PSD3: variants seen among roughly 807,000 people sequenced by gnomAD.
PSD3 encodes pleckstrin and Sec7 domain containing 3.
A neutral mutation model predicts 105.5 loss-of-function variants in PSD3; 49 were observed. The observed-to-expected ratio is 0.46, with a 90% CI of 0.37 to 0.59. PSD3 has a LOEUF of 0.59. Ranked by LOEUF, PSD3 falls within the 20% of genes least tolerant of loss-of-function variation. PSD3 has a pLI of 0.00. For missense variants in PSD3, 1,561 were observed against 1,263.8 expected (o/e 1.24, Z -3.57); for synonymous variants, 557 against 457.8 (o/e 1.22, Z -2.77).
chr8:18,796,943 G>T (rs991508920), intron 8 of PSD3, among the ~76,000 whole-genome samples: 3 of 152,102 alleles, frequency 2.0e-5, no homozygotes, highest in Admixed American at 2.0e-4. Context: ...TCTCCTGCAT[G>T]ATTCGATTTC....
intron 1 of PSD3, among the ~76,000 whole-genome samples, chr8:19,071,320 G>A (rs926015504): frequency 9.4e-5 from 12 of 127,150 alleles, no homozygotes; most frequent in African/African-American, 2.5e-4. Flanking sequence ...CTCCCACCTC[G>A]GCCTCCTAAT....
intron 14 of PSD3, among the ~76,000 whole-genome samples, chr8:18,568,288 C>T (rs906232374): frequency 2.0e-5 from 3 of 146,434 alleles, no homozygotes; most frequent in African/African-American, 7.6e-5. Flanking sequence ...GAACCTTTTC[C>T]CCCCTTTCTT....
intron 1 of PSD3, among the ~76,000 whole-genome samples, chr8:18,954,081 G>T (rs545853263): frequency 6.6e-6 from 1 of 152,192 alleles, no homozygotes; most frequent in Non-Finnish European, 1.5e-5. Context: ...GCCATTTAAT[G>T]TATACACTTG....
chr8:18,971,920 G>A (rs947439783), intron 1 of PSD3, among the ~76,000 whole-genome samples: 2 of 152,126 alleles, frequency 1.3e-5, no homozygotes, highest in South Asian at 2.1e-4. Flanking sequence ...TAGGAGAATC[G>A]CTTGAGCCTG....
chr8:18,713,076 A>C (rs1180949882), intron 9 of PSD3, among the ~76,000 whole-genome samples: 1 of 152,212 alleles, frequency 6.6e-6, no homozygotes, highest in Non-Finnish European at 1.5e-5. Context: ...CTTTGATAAA[A>C]TTCAATATCC....
At chr8:18,901,265 T>G (rs1205325632) in intron 2 of PSD3, among the ~76,000 whole-genome samples, 1 of 152,310 alleles carries the variant, frequency 6.6e-6, no homozygotes, top group Middle Eastern at 3.4e-3. Context: ...TTGTTTAAAA[T>G]ATTTGAATAT....
chr8:18,988,692 T>C (rs1352003832), intron 1 of PSD3, among the ~76,000 whole-genome samples: 3 of 152,178 alleles, frequency 2.0e-5, no homozygotes, highest in African/African-American at 7.2e-5. Context: ...CTATCACATG[T>C]TTAAAAAGTG....
chr8:18,867,538 C>A (rs1817027624), intron 4 of PSD3, 136 bp downstream of exon 4: 3 of 1,149,914 alleles, frequency 2.6e-6, no homozygotes, highest in African/African-American at 1.6e-5. Flanking sequence ...ACTCAAATTA[C>A]TTTTTACTCA....
At position 18,999,322 on chromosome 8, in the gene PSD3, C is replaced by G. The variant is rs189977922; in HGVS notation, c.21+14241G>C. 1.3e-3 allele frequency among the ~76,000 whole-genome samples: 193 copies of G among 152,040 alleles called. 1 individual carries two copies. Among genetic ancestry groups the G allele is most frequent in the African/African-American group, 4.4e-3 (181 of 41,444 alleles). On this transcript the variant is annotated intron_variant, in intron 1 of 15. Transcript: ENST00000327040. ...GAAGACATGCTGGCTGATGCCCATT[C>G]ATACCTGCTGCTCACAGCTGGTGAC...
chr8:18,591,532 G>C (rs1803606096), intron 12 of PSD3, among the ~76,000 whole-genome samples: 1 of 152,098 alleles, frequency 6.6e-6, no homozygotes, highest in Non-Finnish European at 1.5e-5. Flanking sequence ...TTGGCCCCAA[G>C]GGACTAATTT....
intron 9 of PSD3, among the ~76,000 whole-genome samples, chr8:18,720,156 C>A (rs1802863644): frequency 6.6e-6 from 1 of 151,996 alleles, no homozygotes. Context: ...TATTCCCTTG[C>A]AAGCAGAGAA....
intron 14 of PSD3, among the ~76,000 whole-genome samples, chr8:18,569,068 G>A (rs1227188210): frequency 4.3e-4 from 56 of 130,990 alleles, no homozygotes; most frequent in African/African-American, 1.4e-3. Flanking sequence ...AGTATTCCAT[G>A]GTGTATATGT....
chr8:18,659,592 C>A (rs972180102), intron 9 of PSD3, among the ~76,000 whole-genome samples: 1 of 152,198 alleles, frequency 6.6e-6, no homozygotes, highest in Non-Finnish European at 1.5e-5. Flanking sequence ...ATATGCCTGG[C>A]CAAAGTCAGA....
intron 11 of PSD3, among the ~76,000 whole-genome samples, chr8:18,602,817 G>A (rs1296776725): frequency 6.6e-6 from 1 of 152,112 alleles, no homozygotes; most frequent in Non-Finnish European, 1.5e-5. Flanking sequence ...CTGGACCCTT[G>A]GTGAGGCTCT....
chr8:18,892,194 A>ACACAC (rs1563391051), intron 2 of PSD3, among the ~76,000 whole-genome samples: 1 of 93,852 alleles, frequency 1.1e-5, no homozygotes, highest in African/African-American at 5.1e-5. Context: ...CACACACACA[A>ACACAC]ACTTTATTTT....
chr8:18,948,404 G>T (rs1032469975), intron 1 of PSD3, among the ~76,000 whole-genome samples: 2 of 152,128 alleles, frequency 1.3e-5, no homozygotes, highest in Non-Finnish European at 2.9e-5. Context: ...AAACTACACA[G>T]AACTTTAAAA....
intron 2 of PSD3, among the ~76,000 whole-genome samples, chr8:18,881,648 G>T (rs1818111114): frequency 6.6e-6 from 1 of 151,812 alleles, no homozygotes; most frequent in Non-Finnish European, 1.5e-5. Context: ...CTATGCCTAG[G>T]TTCCTCAGGA....
chr8:18,688,130 G>A (rs1207410936), intron 9 of PSD3, among the ~76,000 whole-genome samples: 1 of 152,026 alleles, frequency 6.6e-6, no homozygotes, highest in Non-Finnish European at 1.5e-5. Flanking sequence ...TCAGGCTGGA[G>A]TGCAGTGATG....
chr8:18,572,453 T>C, intron 14 of PSD3, 75 bp downstream of exon 14: 1 of 1,541,994 alleles, frequency 6.5e-7, no homozygotes, highest in East Asian at 2.3e-5. Context: ...TGGACTACTA[T>C]CCAAAGACAA....
Sources: gnomAD v4.1 joint callset for allele counts (sites outside exome capture counted in the v4.1 genomes callset) on GRCh38, gnomAD v4.1.1 for gene constraint, MANE v1.5 for transcripts, NCBI Gene and HGNC (gene_info 2026-07-23, HGNC 2026-07-21) for gene names.